BMP5: variants seen among roughly 807,000 people sequenced by gnomAD.
BMP5 encodes bone morphogenetic protein 5.
In BMP5, 23 loss-of-function variants were observed where a neutral mutation model predicts 46.6. The observed-to-expected ratio is 0.49, with a 90% CI of 0.35 to 0.70. The LOEUF (loss-of-function observed/expected upper bound fraction) is 0.70, where lower values mean the gene tolerates loss of function less well. BMP5 is among the 30% of genes least tolerant of loss of function. The pLI is 0.00. For synonymous variants in BMP5, 204 were observed against 191.9 expected (o/e 1.06, Z -0.52); for missense variants, 545 against 565.6 (o/e 0.96, Z 0.37).
At chr6:55,781,998 A>C (rs1282470204) in intron 3 of BMP5, among the ~76,000 whole-genome samples, 1 of 152,094 alleles carries the variant, frequency 6.6e-6, no homozygotes, top group Non-Finnish European at 1.5e-5. Flanking sequence ...AAGAAAAATA[A>C]ATTATTCGGC....
chr6:55,783,962 G>T (rs1276775358), intron 3 of BMP5, among the ~76,000 whole-genome samples: 2 of 151,902 alleles, frequency 1.3e-5, no homozygotes, highest in African/African-American at 4.8e-5. Flanking sequence ...ACTCCTGTTT[G>T]TAACTGCTTA....
rs1396072608 is a variant in BMP5 at position 55,778,220 on chromosome 6, G to A, written c.833-3977C>T. Among the ~76,000 whole-genome samples, 3 of 152,004 alleles carry A rather than the reference G, an allele frequency of 2.0e-5. No homozygotes were observed. The East Asian group carries it at 5.8e-4, about 29-fold the overall frequency. ...TCTTGATGTGGACACTGGAAAGAGG[G>A]TAGGGATGTGATCTGCTAAATGGAT... is the stretch of plus-strand genomic sequence containing the variant. On this transcript the variant is annotated intron_variant, in intron 3 of 6. Coordinates refer to ENST00000370830, the MANE Select transcript of BMP5 (RefSeq NM_021073.4).
chr6:55,843,380 T>C (rs1411402346), intron 1 of BMP5, among the ~76,000 whole-genome samples: 1 of 152,074 alleles, frequency 6.6e-6, no homozygotes, highest in African/African-American at 2.4e-5. Flanking sequence ...AGATTAAGAA[T>C]ACATCTTCAT....
chr6:55,758,995 C>G lies in BMP5; in HGVS notation c.1215+10G>C, dbSNP rs762957997. 5 of 1,560,628 alleles carry G rather than the reference C, an allele frequency of 3.2e-6. No homozygotes were observed. In the East Asian group the frequency reaches 6.7e-5, roughly 21 times the overall value. ...TAAGCTTTTCTTAATCCTTCAAAAA[C>G]AAAGCTTACCAGAGTCTGAACTATA... is the stretch of plus-strand genomic sequence containing the variant. On this transcript the variant is annotated intron_variant, in intron 6 of 6. Coordinates refer to ENST00000370830, the MANE Select transcript of BMP5 (RefSeq NM_021073.4).
At chr6:55,788,595 C>A (rs1775503154) in intron 3 of BMP5, among the ~76,000 whole-genome samples, 1 of 151,792 alleles carries the variant, frequency 6.6e-6, no homozygotes, top group South Asian at 2.1e-4. Context: ...AAAGTCTGTG[C>A]AATCTCTAGT....
In BMP5 at chr6:55,821,148, C is replaced by T. The variant is rs114875591; in HGVS notation, c.491-1301G>A. ...ATGATAATGACCATCAGGAATGATG[C>T]TGCGGAGACAAGGCTGCTAGAACAT... is the stretch of plus-strand genomic sequence containing the variant. On this transcript the variant is annotated intron_variant, in intron 1 of 6. Transcript: ENST00000370830. Among the ~76,000 whole-genome samples the T allele has an allele frequency of 9.6e-3, 1,459 of 152,216 alleles. 19 individuals carry two copies. Among genetic ancestry groups the T allele is most frequent in the Middle Eastern group, 0.037 (11 of 294 alleles).
chr6:55,827,056 T>A (rs2127540977), intron 1 of BMP5, among the ~76,000 whole-genome samples: 1 of 151,868 alleles, frequency 6.6e-6, no homozygotes. Context: ...CTCCTATGCA[T>A]TTAGTTTCTT....
At chr6:55,860,738 T>TGTAC (rs1397984138) in intron 1 of BMP5, among the ~76,000 whole-genome samples, 1 of 152,232 alleles carries the variant, frequency 6.6e-6, no homozygotes, top group Non-Finnish European at 1.5e-5. Flanking sequence ...TGTTAACAAC[T>TGTAC]GTACCTACTT....
intron 2 of BMP5, among the ~76,000 whole-genome samples, chr6:55,807,422 C>T (rs540837692): frequency 6.6e-6 from 1 of 152,236 alleles, no homozygotes; most frequent in Non-Finnish European, 1.5e-5. Context: ...TCAACTTGAT[C>T]GTGGTGGATA....
intron 1 of BMP5, among the ~76,000 whole-genome samples, chr6:55,861,988 T>C (rs1313551006): frequency 6.6e-6 from 1 of 152,188 alleles, no homozygotes; most frequent in Non-Finnish European, 1.5e-5. Flanking sequence ...AGTGACTTTA[T>C]GAAAAATTAA....
At chr6:55,795,498 A>G (rs1399691363) in intron 2 of BMP5, among the ~76,000 whole-genome samples, 1 of 152,054 alleles carries the variant, frequency 6.6e-6, no homozygotes, top group East Asian at 1.9e-4. Context: ...ATTTTACTGC[A>G]TTTTCTGTCT....
chr6:55,832,277 G>A (rs575153650), intron 1 of BMP5, among the ~76,000 whole-genome samples: 1 of 152,228 alleles, frequency 6.6e-6, no homozygotes, highest in Admixed American at 6.5e-5. Flanking sequence ...AGAGCTGTCT[G>A]TTGATCACAA....
chr6:55,758,126 C>G (rs1774661582), intron 6 of BMP5, among the ~76,000 whole-genome samples: 1 of 151,898 alleles, frequency 6.6e-6, no homozygotes, highest in African/African-American at 2.4e-5. Context: ...TGGCGTCCAC[C>G]AAATAATTCC....
At chr6:55,784,390 A>C (rs1409321037) in intron 3 of BMP5, among the ~76,000 whole-genome samples, 1 of 151,892 alleles carries the variant, frequency 6.6e-6, no homozygotes, top group African/African-American at 2.4e-5. Flanking sequence ...ATAAAACAGC[A>C]AAATTTAGTC....
chr6:55,761,184 A>G (rs1774767866), intron 4 of BMP5, among the ~76,000 whole-genome samples: 1 of 151,932 alleles, frequency 6.6e-6, no homozygotes, highest in Admixed American at 6.6e-5. Context: ...AATCTCACAC[A>G]CTATCTTCAA....
chr6:55,798,531 G>A lies in BMP5; in HGVS notation c.684-4104C>T, dbSNP rs111945733. Among the ~76,000 whole-genome samples the A allele has an allele frequency of 7.4e-3, 1,119 of 152,198 alleles. 15 individuals are homozygous for A. The highest frequency in any genetic ancestry group is 0.025 in the African/African-American group (1,058 of 41,510). ...TAAAATTTCATTGTTCATCTTGATTGTGATATAGATCAGTATAATAATTTC... is the reference window on the plus strand; with the variant it reads ...TAAAATTTCATTGTTCATCTTGATTATGATATAGATCAGTATAATAATTTC... On this transcript the variant is annotated intron_variant, in intron 2 of 6. Coordinates refer to ENST00000370830, the MANE Select transcript of BMP5 (RefSeq NM_021073.4).
At chr6:55,829,207 G>T (rs571336917) in intron 1 of BMP5, among the ~76,000 whole-genome samples, 1 of 151,718 alleles carries the variant, frequency 6.6e-6, no homozygotes, top group Admixed American at 6.6e-5. Context: ...TGTCTCCCCC[G>T]GTAGATTGTA....
chr6:55,817,971 A>T (rs1055749744), intron 2 of BMP5, among the ~76,000 whole-genome samples: 2 of 152,198 alleles, frequency 1.3e-5, no homozygotes, highest in African/African-American at 4.8e-5. Context: ...TTTATTTAAA[A>T]TAGCCAAGGT....
chr6:55,850,354 GTAGATAGATAGATAGA>G (rs57677270), intron 1 of BMP5, among the ~76,000 whole-genome samples: 7 of 83,186 alleles, frequency 8.4e-5, no homozygotes, highest in Admixed American at 3.3e-4. Flanking sequence ...AGGTAAGTAG[GTAGATAGATAGATAGA>G]TAGATAGATA....
Sources: gnomAD v4.1 joint callset for allele counts (sites outside exome capture counted in the v4.1 genomes callset) on GRCh38, gnomAD v4.1.1 for gene constraint, MANE v1.5 for transcripts, NCBI Gene and HGNC (gene_info 2026-07-23, HGNC 2026-07-21) for gene names.